Variants in DAB2IP observed in about 807,000 individuals in gnomAD.
DAB2IP encodes the protein disabled homolog 2-interacting protein.
A neutral mutation model predicts 107.2 loss-of-function variants in DAB2IP; 28 were observed. The observed-to-expected ratio is 0.26, with a 90% CI of 0.19 to 0.36. DAB2IP has a LOEUF of 0.36. Ranked by LOEUF, DAB2IP falls within the 10% of genes least tolerant of loss-of-function variation. The pLI is 1.00. For synonymous variants in DAB2IP, 755 were observed against 706.4 expected, an observed-to-expected ratio of 1.07 and a Z score of -1.09; for missense variants, 1,400 against 1,644.7, an observed-to-expected ratio of 0.85 and a Z score of 2.57.
rs76496342 is a variant in DAB2IP at position 121,662,725 on chromosome 9, A to G, written c.124+10826A>G. Among the ~76,000 whole-genome samples the G allele has an allele frequency of 5.3e-5, 8 of 152,316 alleles. No individual in the cohort carries two copies. The highest frequency in any genetic ancestry group is 1.0e-4 in the Non-Finnish European group (7 of 67,988). On this transcript the variant is annotated intron_variant, in intron 1 of 15. Transcript: ENST00000408936. The surrounding 1 kb of genome is among the most constrained non-coding windows in gnomAD (Gnocchi z 4.6). Reference sequence around the variant, plus strand: ...GCCTACATGTGCTTTCTGCTTTTACATAGAAGCCTATGCTTCCAAGTGTGT... The same window carrying G: ...GCCTACATGTGCTTTCTGCTTTTACGTAGAAGCCTATGCTTCCAAGTGTGT...
chr9:121,613,821 A>G (rs934124404), intron 1 of DAB2IP, among the ~76,000 whole-genome samples: 2 of 152,216 alleles, frequency 1.3e-5, no homozygotes, highest in African/African-American at 4.8e-5. Context: ...TGACCTATGC[A>G]CTTGTTGGAG....
At chr9:121,761,763 G>A (rs911770228) in intron 6 of DAB2IP, among the ~76,000 whole-genome samples, 7 of 152,336 alleles carry the variant, frequency 4.6e-5, no homozygotes, top group Admixed American at 2.6e-4. Flanking sequence ...TGGCTGCCCC[G>A]TCCTTAACAT....
intron 1 of DAB2IP, among the ~76,000 whole-genome samples, chr9:121,610,468 C>G (rs1302382872): frequency 6.6e-6 from 1 of 152,150 alleles, no homozygotes; most frequent in Non-Finnish European, 1.5e-5. Context: ...GGAGGAGTGA[C>G]TTGCCTAAGG....
chr9:121,747,489 A>G (rs1216002000), intron 3 of DAB2IP, among the ~76,000 whole-genome samples: 1 of 152,024 alleles, frequency 6.6e-6, no homozygotes, highest in Non-Finnish European at 1.5e-5. Flanking sequence ...CTGGGACTAC[A>G]GGCGCCCGCC....
At chr9:121,725,639 G>A (rs1831200698) in intron 3 of DAB2IP, among the ~76,000 whole-genome samples, 2 of 152,234 alleles carry the variant, frequency 1.3e-5, no homozygotes, top group South Asian at 2.1e-4. Flanking sequence ...GAACAGAGAA[G>A]GGAGTGAGGA....
intron 1 of DAB2IP, among the ~76,000 whole-genome samples, chr9:121,627,362 T>C (rs1230600996): frequency 6.6e-6 from 1 of 150,774 alleles, no homozygotes; most frequent in Non-Finnish European, 1.5e-5. Context: ...ACACAGACGT[T>C]GTTTACAGTT....
In DAB2IP at chr9:121,772,385, T is replaced by A. The variant is rs1834825873; in HGVS notation, c.2079-222T>A. 6.6e-6 allele frequency among the ~76,000 whole-genome samples: 1 copy of A among 152,256 alleles called. No individual in the cohort carries two copies. Among genetic ancestry groups the A allele is most frequent in the South Asian group, 2.1e-4 (1 of 4,818 alleles). On this transcript the variant is annotated intron_variant, in intron 11 of 15. Coordinates refer to ENST00000408936, the Ensembl canonical transcript of DAB2IP. This position sits in a 1 kb window ranked among gnomAD's most constrained non-coding sequence, Gnocchi z 4.7. Reference sequence around the variant, plus strand: ...AGGCAGCGCGGCCTGAAATGTGCAGTGCTGGCCCCTAAAGAAGAGGTTCTG... The same window carrying A: ...AGGCAGCGCGGCCTGAAATGTGCAGAGCTGGCCCCTAAAGAAGAGGTTCTG...
chr9:121,773,288 TCCGCCCCCACCC>T (rs765912885), exon 12 of DAB2IP: 5 of 1,526,380 alleles, frequency 3.3e-6, no homozygotes, highest in East Asian at 2.5e-5. Context: ...TCGACCAGCC[TCCGCCCCCACCC>T]CCGCCGCCAC....
intron 1 of DAB2IP, among the ~76,000 whole-genome samples, chr9:121,607,638 A>G (rs1830929501): frequency 6.6e-6 from 1 of 152,012 alleles, no homozygotes; most frequent in Non-Finnish European, 1.5e-5. Flanking sequence ...TTCCTGTCCT[A>G]CTTACTATTG....
At chr9:121,742,945 T>A (rs2118901395) in intron 3 of DAB2IP, 1 of 985,488 alleles carries the variant, frequency 1.0e-6, no homozygotes, top group African/African-American at 1.7e-5. Context: ...TCTTGCCCCC[T>A]TCTTTCTTCA....
At chr9:121,612,264 C>T (rs1434584411) in intron 1 of DAB2IP, among the ~76,000 whole-genome samples, 16 of 151,882 alleles carry the variant, frequency 1.1e-4, no homozygotes, top group Admixed American at 3.3e-4. Context: ...GAGGCTGCAG[C>T]GAGCCGGAGC....
At chr9:121,659,654 C>T (rs999900993) in intron 1 of DAB2IP, among the ~76,000 whole-genome samples, 17 of 151,910 alleles carry the variant, frequency 1.1e-4, no homozygotes, top group South Asian at 4.2e-4. Context: ...ATTAGCCGGG[C>T]GTGGTGGCAG....
At chr9:121,578,901 C>T (rs963345541) in intron 1 of DAB2IP, among the ~76,000 whole-genome samples, 1 of 151,922 alleles carries the variant, frequency 6.6e-6, no homozygotes, top group Non-Finnish European at 1.5e-5. Context: ...TCCTTCTGAT[C>T]TCTGCTTCCC....
intron 3 of DAB2IP, among the ~76,000 whole-genome samples, chr9:121,712,616 T>C (rs1265036087): frequency 6.6e-6 from 1 of 152,174 alleles, no homozygotes; most frequent in East Asian, 1.9e-4. Flanking sequence ...CCTTTCATGC[T>C]AGAAAGGAGA....
chr9:121,730,511 G>T (rs1401033684), intron 3 of DAB2IP, among the ~76,000 whole-genome samples: 1 of 152,196 alleles, frequency 6.6e-6, no homozygotes, highest in Non-Finnish European at 1.5e-5. Context: ...TTTTCGCCCA[G>T]CAGGCTGCAG....
chr9:121,783,265 TTCCCACACC>T (rs1271433198), exon 16 of DAB2IP: 49 of 1,344,574 alleles, frequency 3.6e-5, no homozygotes, highest in East Asian at 1.2e-4. Flanking sequence ...GACCCACAGC[TTCCCACACC>T]TCCCACACAG....
intron 8 of DAB2IP, among the ~76,000 whole-genome samples, chr9:121,765,720 C>A (rs771814421): frequency 4.6e-4 from 70 of 152,170 alleles, no homozygotes; most frequent in Non-Finnish European, 9.6e-4. Context: ...CTGGGAGATG[C>A]ATCTTTTAGG....
intron 1 of DAB2IP, among the ~76,000 whole-genome samples, chr9:121,668,747 T>C (rs1216885605): frequency 6.6e-6 from 1 of 152,142 alleles, no homozygotes; most frequent in African/African-American, 2.4e-5. Flanking sequence ...TCATAGCCCG[T>C]CCCCTTCTCC....
intron 3 of DAB2IP, among the ~76,000 whole-genome samples, chr9:121,731,711 C>T (rs1422489927): frequency 6.6e-6 from 1 of 152,154 alleles, no homozygotes; most frequent in African/African-American, 2.4e-5. Flanking sequence ...GGGACCTACC[C>T]ACAACCACTG....
Sources: gnomAD v4.1 joint callset for allele counts (sites outside exome capture counted in the v4.1 genomes callset) on GRCh38, gnomAD v4.1.1 for gene constraint, Gnocchi (gnomAD v3.1) non-coding constraint, MANE v1.5 for transcripts, NCBI Gene and HGNC (gene_info 2026-07-23, HGNC 2026-07-21) for gene names.